PIGK: variants seen among roughly 807,000 people sequenced by gnomAD.
PIGK encodes the protein phosphatidylinositol glycan anchor biosynthesis class K.
Under a neutral mutation model 50.6 loss-of-function variants are expected in PIGK, and 42 were observed. The observed-to-expected ratio is 0.83, with a 90% CI of 0.65 to 1.07. The LOEUF (loss-of-function observed/expected upper bound fraction) is 1.07, where lower values mean the gene tolerates loss of function less well. Among genes scored for constraint, PIGK ranks in the 50% least tolerant of loss-of-function variants. The pLI is 0.00. For missense variants in PIGK, 448 were observed against 488.7 expected (o/e 0.92, Z 0.78); for synonymous variants, 151 against 156.0 (o/e 0.97, Z 0.24).
intron 9 of PIGK, among the ~76,000 whole-genome samples, chr1:77,128,418 TAAG>T (rs1654277709): frequency 6.6e-6 from 1 of 152,282 alleles, no homozygotes; most frequent in East Asian, 1.9e-4. Context: ...ACCAGTTAAA[TAAG>T]AAGACCTGCC....
intron 2 of PIGK, among the ~76,000 whole-genome samples, chr1:77,207,735 G>A (rs888637734): frequency 3.4e-4 from 51 of 152,168 alleles, no homozygotes; most frequent in Middle Eastern, 3.4e-3. Flanking sequence ...GTACAATCCC[G>A]GCTTCTATCA....
rs979851425 is a variant in PIGK at position 77,103,455 on chromosome 1, A to T, written c.1072-10965T>A. 2.6e-5 allele frequency among the ~76,000 whole-genome samples: 4 copies of T among 152,204 alleles called. No individual in the cohort carries two copies. In the South Asian group the frequency reaches 8.3e-4, roughly 32 times the overall value. The stretch of plus-strand genomic sequence containing the variant: ...CAGAGTTATGCTTCCACCTATGACA[A>T]ATTAAATGCTAAGGAATTATCTGCC... On this transcript the variant is annotated intron_variant, in intron 10 of 10. Coordinates refer to ENST00000370812, the MANE Select transcript of PIGK (RefSeq NM_005482.3).
chr1:77,177,493 T>G (rs1655514186), intron 3 of PIGK, among the ~76,000 whole-genome samples: 1 of 152,242 alleles, frequency 6.6e-6, no homozygotes, highest in African/African-American at 2.4e-5. Flanking sequence ...GCCCATCCCT[T>G]TACTTCGGTC....
intron 2 of PIGK, among the ~76,000 whole-genome samples, chr1:77,208,239 T>A (rs921314293): frequency 6.6e-6 from 1 of 152,056 alleles, no homozygotes; most frequent in Non-Finnish European, 1.5e-5. Context: ...AAACTCCCTT[T>A]TTAATTTTAA....
intron 10 of PIGK, among the ~76,000 whole-genome samples, chr1:77,121,314 A>T (rs1262434084): frequency 6.6e-6 from 1 of 152,194 alleles, no homozygotes; most frequent in East Asian, 1.9e-4. Flanking sequence ...TACCAAGCAC[A>T]GACGAGCTTC....
chr1:77,131,948 A>C (rs74092429), intron 9 of PIGK, among the ~76,000 whole-genome samples: 17,189 of 152,016 alleles, frequency 0.11, 1,324 homozygotes, highest in African/African-American at 0.21. Flanking sequence ...CAGCACCTCA[A>C]GTGGTTAATA....
At chr1:77,105,392 C>T (rs12097398) in intron 10 of PIGK, among the ~76,000 whole-genome samples, 4 of 151,954 alleles carry the variant, frequency 2.6e-5, no homozygotes, top group African/African-American at 9.7e-5. Flanking sequence ...CCATGGGTTT[C>T]AGGCTGTTTG....
chr1:77,108,402 A>C (rs564235986), intron 10 of PIGK, among the ~76,000 whole-genome samples: 9 of 152,150 alleles, frequency 5.9e-5, no homozygotes, highest in Non-Finnish European at 1.0e-4. Context: ...TTCTTTAAGA[A>C]TGTTGAATAT....
At chr1:77,096,019 T>C (rs562267590) in intron 10 of PIGK, among the ~76,000 whole-genome samples, 1 of 152,280 alleles carries the variant, frequency 6.6e-6, no homozygotes, top group Admixed American at 6.5e-5. Flanking sequence ...AAGATCTCCC[T>C]GAGAAAAATT....
intron 1 of PIGK, among the ~76,000 whole-genome samples, chr1:77,214,224 CA>C (rs1340480037): frequency 6.6e-6 from 1 of 151,358 alleles, no homozygotes; most frequent in Non-Finnish European, 1.5e-5. Flanking sequence ...AAGCATACAA[CA>C]AAAAAAAGGA....
At chr1:77,164,348 T>C (rs1655191524) in intron 5 of PIGK, among the ~76,000 whole-genome samples, 1 of 152,192 alleles carries the variant, frequency 6.6e-6, no homozygotes, top group South Asian at 2.1e-4. Context: ...TTGTGCTATT[T>C]GTATGCAATC....
At chr1:77,113,374 T>C (rs937220131) in intron 10 of PIGK, among the ~76,000 whole-genome samples, 1 of 152,096 alleles carries the variant, frequency 6.6e-6, no homozygotes, top group East Asian at 1.9e-4. Flanking sequence ...CTAAATGTGA[T>C]GAACCCTAAA....
At chr1:77,210,550 T>C (rs1465785408) in intron 1 of PIGK, 61 bp from the exon 2 acceptor site, 2 of 1,026,984 alleles carry the variant, frequency 1.9e-6, no homozygotes, top group Non-Finnish European at 3.0e-6. Flanking sequence ...AGACTGATAA[T>C]GGACAGTTGA....
intron 5 of PIGK, among the ~76,000 whole-genome samples, chr1:77,165,551 TTGATTAACA>T (rs1055211545): frequency 2.6e-5 from 4 of 151,976 alleles, no homozygotes; most frequent in Non-Finnish European, 5.9e-5. Context: ...AGAACATCTT[TTGATTAACA>T]TCCATATTTA....
At chr1:77,097,582 T>C (rs1425692300) in intron 10 of PIGK, among the ~76,000 whole-genome samples, 2 of 141,228 alleles carry the variant, frequency 1.4e-5, no homozygotes, top group East Asian at 3.9e-4. Context: ...ACCACAGTTT[T>C]TCCTTAATCG....
intron 10 of PIGK, among the ~76,000 whole-genome samples, chr1:77,099,545 C>A (rs1217833739): frequency 6.6e-6 from 1 of 152,072 alleles, no homozygotes; most frequent in Non-Finnish European, 1.5e-5. Flanking sequence ...GAAAAAGTAA[C>A]CCGGATAGCA....
chr1:77,182,837 C>T (rs1463583798), intron 3 of PIGK, among the ~76,000 whole-genome samples: 1 of 152,136 alleles, frequency 6.6e-6, no homozygotes, highest in African/African-American at 2.4e-5. Flanking sequence ...CACCTGATTC[C>T]CTGCTCATGA....
intron 3 of PIGK, among the ~76,000 whole-genome samples, chr1:77,177,828 C>T (rs1655522138): frequency 6.6e-6 from 1 of 152,170 alleles, no homozygotes; most frequent in Non-Finnish European, 1.5e-5. Context: ...ACTTTGGAAC[C>T]TTGAACTTTG....
intron 1 of PIGK, among the ~76,000 whole-genome samples, chr1:77,210,793 T>C (rs1366403676): frequency 2.0e-5 from 3 of 152,016 alleles, no homozygotes; most frequent in African/African-American, 7.2e-5. Context: ...GAGACTCAGT[T>C]TCCTCATGTG....
Sources: allele counts gnomAD v4.1 joint callset (sites outside exome capture counted in the v4.1 genomes callset), GRCh38; gene constraint gnomAD v4.1.1; transcripts MANE v1.5; gene names NCBI Gene and HGNC (gene_info 2026-07-23, HGNC 2026-07-21).